Variants in EIF2AK1 observed in about 807,000 individuals in gnomAD.
EIF2AK1 encodes eukaryotic translation initiation factor 2-alpha kinase 1.
In EIF2AK1, 54 loss-of-function variants were observed where a neutral mutation model predicts 77.9. The observed-to-expected ratio is 0.69, with a 90% CI of 0.56 to 0.87. The LOEUF (loss-of-function observed/expected upper bound fraction) is 0.87, where lower values mean the gene tolerates loss of function less well. Ranked by LOEUF, EIF2AK1 falls within the 40% of genes least tolerant of loss-of-function variation. The pLI, the probability that EIF2AK1 is intolerant of heterozygous loss-of-function variation, is 0.00. For synonymous variants in EIF2AK1, 314 were observed against 290.5 expected (o/e 1.08, Z -0.82); for missense variants, 810 against 768.6 (o/e 1.05, Z -0.64).
At chr7:6,025,559 G>A (rs1442216981) in intron 14 of EIF2AK1, among the ~76,000 whole-genome samples, 1 of 152,246 alleles carries the variant, frequency 6.6e-6, no homozygotes, top group East Asian at 1.9e-4. Context: ...GCTTGATACA[G>A]TCAGGGAACT....
Position 6,037,541 on chromosome 7 carries a change from A to T in EIF2AK1, c.1232-17T>A, listed in dbSNP as rs1788142709. On this transcript the variant is annotated splice_polypyrimidine_tract_variant and intron_variant, in intron 10 of 14. Coordinates refer to ENST00000199389, the MANE Select transcript of EIF2AK1 (RefSeq NM_014413.4). ...CATAAGGACCTTGAAGTAAAAAAAA[A>T]TAGTTTTATTTCTCTAATTTTTTTA... 1.3e-6 allele frequency: 2 copies of T among 1,516,962 alleles called. No homozygotes were observed. Among genetic ancestry groups the T allele is most frequent in the Non-Finnish European group, 1.8e-6 (2 of 1,100,818 alleles). The allele number at this position is 1,516,962 out of a possible 1,614,324, so 94.0% of individuals were successfully genotyped here. A position where few individuals can be genotyped will look rare whatever the true frequency, so the allele number is the denominator to read the frequency against.
intron 1 of EIF2AK1, chr7:6,058,229 G>C (rs945772840): frequency 2.2e-5 from 10 of 447,764 alleles, no homozygotes; most frequent in African/African-American, 1.8e-4. Context: ...GGGAAACACA[G>C]CAAGACCACA....
Position 6,037,477 on chromosome 7 carries a change from C to G in EIF2AK1, c.1279G>C (p.Val427Leu), listed in dbSNP as rs531333826. ...TTATGTATGTAAAACACACCTTCTA[C>G]CAATTCTTGAAAAATTTTTGTTGCA... is the stretch of plus-strand genomic sequence containing the variant. ...NVATKIFQEL[V>L]EGVFYIHNMG... The change falls in exon 11 of 15, where the codon GTA becomes CTA. Residue 427 changes from valine to leucine, a missense_variant. Coordinates refer to ENST00000199389, the MANE Select transcript of EIF2AK1 (RefSeq NM_014413.4). The G allele has an allele frequency of 6.2e-7, 1 of 1,613,088 alleles. No individual in the cohort carries two copies. The highest frequency in any genetic ancestry group is 8.5e-7 in the Non-Finnish European group (1 of 1,179,588).
intron 5 of EIF2AK1, 31 bp downstream of exon 5, chr7:6,046,961 A>G (rs371560493): frequency 2.7e-6 from 4 of 1,503,752 alleles, no homozygotes; most frequent in Middle Eastern, 2.4e-4. Flanking sequence ...TATTTAGGGT[A>G]GTAGGTCAAA....
intron 1 of EIF2AK1, chr7:6,058,112 C>T (rs1228811204): frequency 2.2e-6 from 1 of 455,520 alleles, no homozygotes; most frequent in Non-Finnish European, 4.4e-6. Context: ...AAACAAAAGC[C>T]TCAAGAAAAC....
In EIF2AK1 at chr7:6,023,671, G is replaced by GC. The variant is rs1400170893; in HGVS notation, c.*1001dup. 1 of 1,614,072 alleles carries GC rather than the reference G, an allele frequency of 6.2e-7. No homozygotes were observed. Among genetic ancestry groups the GC allele is most frequent in the Non-Finnish European group, 8.5e-7 (1 of 1,180,014 alleles). On this transcript the variant is annotated 3_prime_UTR_variant, in exon 15 of 15. Coordinates refer to ENST00000199389, the MANE Select transcript of EIF2AK1 (RefSeq NM_014413.4). ...TGAAAACCTGGCTCCTTTTAACACG[G>GC]CCCTCAAGCTCCTTAAGTGAATTGC...
Position 6,048,848 on chromosome 7 carries a change from C to G in EIF2AK1, c.412-4G>C. 5.1e-6 allele frequency: 8 copies of G among 1,574,896 alleles called. No individual in the cohort carries two copies. Among genetic ancestry groups the G allele is most frequent in the Non-Finnish European group, 6.9e-6 (8 of 1,167,372 alleles). The stretch of plus-strand genomic sequence containing the variant: ...GAGAAATATCCTCACAAGGATCCTA[C>G]AATTAAAAAATTGTTTTTAAAAAGC... On this transcript the variant is annotated splice_polypyrimidine_tract_variant and splice_region_variant and intron_variant, in intron 3 of 14. Transcript: ENST00000199389.
intron 9 of EIF2AK1, among the ~76,000 whole-genome samples, chr7:6,040,241 C>T (rs1246950505): frequency 6.6e-6 from 1 of 151,912 alleles, no homozygotes; most frequent in Non-Finnish European, 1.5e-5. Flanking sequence ...TTAGTAGAGA[C>T]GCGCTTTCAC....
At position 6,036,102 on chromosome 7, in the gene EIF2AK1, G is replaced by C; in HGVS notation, c.1332+1322C>G. 1 of 1,550,894 alleles carries C rather than the reference G, an allele frequency of 6.4e-7. No homozygotes were observed. Among genetic ancestry groups the C allele is most frequent in the Non-Finnish European group, 8.7e-7 (1 of 1,147,094 alleles). ...TATGTACCTTCAGCGCAGTTGCAAT[G>C]TAAGAGATACGGCACTTCTGGCCAG... On this transcript the variant is annotated intron_variant, in intron 11 of 14. Coordinates refer to ENST00000199389, the MANE Select transcript of EIF2AK1 (RefSeq NM_014413.4). This position sits in a 1 kb window ranked among gnomAD's most constrained non-coding sequence, Gnocchi z 4.6.
intron 5 of EIF2AK1, 145 bp from the exon 6 acceptor site, chr7:6,046,296 G>T: frequency 2.3e-6 from 1 of 431,928 alleles, no homozygotes; most frequent in Non-Finnish European, 4.0e-6. Context: ...TATGTTCAGG[G>T]AAGTCAGCCG....
intron 1 of EIF2AK1, chr7:6,058,344 G>C (rs993522847): frequency 5.8e-6 from 2 of 347,268 alleles, no homozygotes; most frequent in Non-Finnish European, 1.1e-5. Flanking sequence ...TTGAGCCCAG[G>C]AGTTGGAGGC....
chr7:6,041,021 C>T lies in EIF2AK1; in HGVS notation c.990G>A (p.Leu330=). Reference sequence around the variant, plus strand: ...CAATTGAACTGGCAGACAAACCAGCCAAGCCATTTTCCTGGAGCTCCAGGG... The same window carrying T: ...CAATTGAACTGGCAGACAAACCAGCTAAGCCATTTTCCTGGAGCTCCAGGG... ...ESTLELQENG[L]AGLSASSIVE... is the part of the protein sequence containing the mutation. Residue 330 remains leucine, a synonymous_variant, in exon 9 of 15, where the codon TTG becomes TTA. Transcript: ENST00000199389. The T allele has an allele frequency of 6.2e-7, 1 of 1,614,098 alleles. No individual in the cohort carries two copies. Among genetic ancestry groups the T allele is most frequent in the Non-Finnish European group, 8.5e-7 (1 of 1,180,008 alleles).
Position 6,023,376 on chromosome 7 carries a change from C to T in EIF2AK1, c.*1297G>A. ...AAGGCGAAGGGAACATTGCACGTTT[C>T]TTGTTCTCTCTGTTTGGCCAGAAGC... On this transcript the variant is annotated 3_prime_UTR_variant, in exon 15 of 15. Transcript: ENST00000199389. 6.2e-7 allele frequency: 1 copy of T among 1,614,110 alleles called. No homozygotes were observed.
chr7:6,049,609 C>A (rs1004409092), intron 3 of EIF2AK1, among the ~76,000 whole-genome samples: 1 of 149,680 alleles, frequency 6.7e-6, no homozygotes, highest in Non-Finnish European at 1.5e-5. Flanking sequence ...TCTGTGGCCT[C>A]TCCTTTGCCT....
chr7:6,052,665 G>C (rs1788640607), intron 2 of EIF2AK1, among the ~76,000 whole-genome samples: 1 of 142,548 alleles, frequency 7.0e-6, no homozygotes, highest in South Asian at 2.2e-4. Context: ...TAGAGGCAGA[G>C]TCTTACTATG....
chr7:6,023,766 T>C lies in EIF2AK1; in HGVS notation c.*907A>G. 6.2e-7 allele frequency: 1 copy of C among 1,609,056 alleles called. No homozygotes were observed. The highest frequency in any genetic ancestry group is 8.5e-7 in the Non-Finnish European group (1 of 1,177,056). ...TCATGCCTATTATCAGTAAGGGGAC[T>C]TGTATTAGAGTCAGAGTCTTTTTAT... On this transcript the variant is annotated 3_prime_UTR_variant, in exon 15 of 15. Coordinates refer to ENST00000199389, the MANE Select transcript of EIF2AK1 (RefSeq NM_014413.4).
At chr7:6,045,733 T>TATATATATATATATATATATATATATATA (rs1788426972) in intron 6 of EIF2AK1, among the ~76,000 whole-genome samples, 2 of 138,036 alleles carry the variant, frequency 1.4e-5, no homozygotes, top group African/African-American at 5.2e-5. Context: ...ATTTTAAAAA[T>TATATATATATATATATATATATATATATA]TATATATATA....
At chr7:6,041,839 T>TAAAAAAAAAAAAAAAAAAACAAAAAA (rs35008838) in intron 8 of EIF2AK1, among the ~76,000 whole-genome samples, 1 of 130,820 alleles carries the variant, frequency 7.6e-6, no homozygotes, top group Non-Finnish European at 1.6e-5. Flanking sequence ...AGACTCCATC[T>TAAAAAAAAAAAAAAAAAAACAAAAAA]AAAAAAAAAA....
Position 6,036,796 on chromosome 7 carries a change from G to C in EIF2AK1, c.1332+628C>G, listed in dbSNP as rs758495299. ...TTATAGAAATAGAGTTTACCTCTAA[G>C]TCTGCAATAATAAATGAGCATTTCT... On this transcript the variant is annotated intron_variant, in intron 11 of 14. Coordinates refer to ENST00000199389, the MANE Select transcript of EIF2AK1 (RefSeq NM_014413.4). The surrounding 1 kb of genome is among the most constrained non-coding windows in gnomAD (Gnocchi z 4.6). 1.8e-4 allele frequency among the ~76,000 whole-genome samples: 28 copies of C among 152,046 alleles called. No homozygotes were observed. The highest frequency in any genetic ancestry group is 3.5e-4 in the Non-Finnish European group (24 of 68,026).
Sources: gnomAD v4.1 joint callset for allele counts (sites outside exome capture counted in the v4.1 genomes callset) on GRCh38, gnomAD v4.1.1 for gene constraint, Gnocchi (gnomAD v3.1) non-coding constraint, MANE v1.5 for transcripts, NCBI Gene and HGNC (gene_info 2026-07-23, HGNC 2026-07-21) for gene names.